HSF5: variants seen among roughly 807,000 people sequenced by gnomAD.
HSF5 encodes heat shock transcription factor 5.
Under a neutral mutation model 50.8 loss-of-function variants are expected in HSF5, and 5 were observed. The observed-to-expected ratio is 0.10, with a 90% confidence interval of 0.05 to 0.21. The LOEUF is 0.21. Ranked by LOEUF, HSF5 falls within the 10% of genes least tolerant of loss-of-function variation. The pLI is 1.00. For missense variants in HSF5, 564 were observed against 762.6 expected, an observed-to-expected ratio of 0.74 and a Z score of 3.07; for synonymous variants, 307 against 307.4, an observed-to-expected ratio of 1.00 and a Z score of 0.02.
At chr17:58,478,867 A>G (rs1975061188) in intron 2 of HSF5, among the ~76,000 whole-genome samples, 1 of 148,552 alleles carries the variant, frequency 6.7e-6, no homozygotes, top group Non-Finnish European at 1.5e-5. Context: ...CCATCTCCAA[A>G]AAAAAAAAAA....
rs904515691 is a variant in HSF5 at position 58,487,960 on chromosome 17, A to G, written c.315T>C (p.Asn105=). ...GGPGGGKPAG[N]GPLHHFHNPH... Reference sequence around the variant, plus strand: ...GGTTGTGGAAGTGATGGAGCGGCCCATTGCCTGCCGGTTTGCCGCCCCCCG... The same window carrying G: ...GGTTGTGGAAGTGATGGAGCGGCCCGTTGCCTGCCGGTTTGCCGCCCCCCG... Residue 105 remains asparagine (N), a synonymous_variant, in exon 1 of 6, where the codon AAT becomes AAC. Coordinates refer to ENST00000323777, the MANE Select transcript of HSF5 (RefSeq NM_001080439.3). The G allele has an allele frequency of 1.9e-6, 3 of 1,611,226 alleles. No homozygotes were observed. In the African/African-American group the frequency reaches 4.0e-5, roughly 22 times the overall value.
intron 2 of HSF5, among the ~76,000 whole-genome samples, chr17:58,474,611 T>C (rs1216773385): frequency 6.6e-6 from 1 of 152,216 alleles, no homozygotes; most frequent in African/African-American, 2.4e-5. Context: ...ATGTCCAAAT[T>C]TAACAATAAT....
intron 5 of HSF5, among the ~76,000 whole-genome samples, chr17:58,454,599 C>CA (rs1974684913): frequency 6.6e-6 from 1 of 151,938 alleles, no homozygotes; most frequent in African/African-American, 2.4e-5. Flanking sequence ...AAGATTCCAC[C>CA]AAAAAAATTG....
intron 5 of HSF5, among the ~76,000 whole-genome samples, chr17:58,430,961 C>A (rs532789839): frequency 1.4e-4 from 21 of 152,212 alleles, no homozygotes; most frequent in Non-Finnish European, 2.9e-5. Context: ...GTCCCCAACC[C>A]AAATCCCACC....
intron 1 of HSF5, among the ~76,000 whole-genome samples, chr17:58,482,034 G>C (rs1030602466): frequency 7.2e-5 from 11 of 152,176 alleles, no homozygotes; most frequent in African/African-American, 2.7e-4. Flanking sequence ...GAGTCCAGGA[G>C]TTCAAGGTTA....
At chr17:58,429,554 C>G (rs530570788) in intron 5 of HSF5, among the ~76,000 whole-genome samples, 6 of 151,800 alleles carry the variant, frequency 4.0e-5, no homozygotes, top group Admixed American at 3.3e-4. Flanking sequence ...AACTAAAAAA[C>G]TAAATGTTTG....
intron 5 of HSF5, among the ~76,000 whole-genome samples, chr17:58,439,118 C>A (rs1044051401): frequency 6.6e-6 from 1 of 150,872 alleles, no homozygotes; most frequent in Non-Finnish European, 1.5e-5. Context: ...CAGAGTGAGA[C>A]CCTGCCTCAA....
At chr17:58,469,388 T>G (rs183014262) in intron 2 of HSF5, among the ~76,000 whole-genome samples, 89 of 152,336 alleles carry the variant, frequency 5.8e-4, no homozygotes, top group Middle Eastern at 3.4e-3. Flanking sequence ...TTTGATAGCT[T>G]GATAGCTGAG....
At chr17:58,464,984 G>A (rs1299513559) in intron 3 of HSF5, among the ~76,000 whole-genome samples, 1 of 148,536 alleles carries the variant, frequency 6.7e-6, no homozygotes, top group Non-Finnish European at 1.5e-5. Context: ...TGCACAGGCT[G>A]GAATACAGTG....
At chr17:58,440,472 C>CTTATTTGAGGAAGATAATG (rs1183870659) in intron 5 of HSF5, among the ~76,000 whole-genome samples, 1 of 152,154 alleles carries the variant, frequency 6.6e-6, no homozygotes, top group Non-Finnish European at 1.5e-5. Flanking sequence ...AGAAACAAAT[C>CTTATTTGAGGAAGATAATG]TTATTTGAGG....
At chr17:58,481,564 A>T (rs182690870) in intron 1 of HSF5, among the ~76,000 whole-genome samples, 1 of 152,272 alleles carries the variant, frequency 6.6e-6, no homozygotes, top group Non-Finnish European at 1.5e-5. Context: ...AACGGAGGGA[A>T]AACTTATTAT....
At chr17:58,445,205 C>T (rs1974544005) in intron 5 of HSF5, among the ~76,000 whole-genome samples, 1 of 152,122 alleles carries the variant, frequency 6.6e-6, no homozygotes, top group Admixed American at 6.5e-5. Context: ...TACAGAGTTT[C>T]CTAAAAAAAT....
chr17:58,450,723 A>G (rs1314740748), intron 5 of HSF5, among the ~76,000 whole-genome samples: 3 of 149,496 alleles, frequency 2.0e-5, no homozygotes, highest in African/African-American at 7.4e-5. Context: ...ATTGTACTCT[A>G]GCCTGGGCAA....
At chr17:58,464,122 A>T (rs1255607613) in intron 3 of HSF5, among the ~76,000 whole-genome samples, 4 of 152,266 alleles carry the variant, frequency 2.6e-5, no homozygotes, top group African/African-American at 7.2e-5. Flanking sequence ...GTATGTAGTG[A>T]GTTGATGCTG....
rs1458726490 is a variant in HSF5, at chr17:58,476,603, C to T, written c.925+3290G>A. 7.4e-5 allele frequency: 114 copies of T among 1,530,836 alleles called. 1 individual carries two copies. The South Asian group carries it at 9.2e-4, about 12-fold the overall frequency. The allele number at this position is 1,530,836 out of a possible 1,614,324, so 94.8% of individuals were successfully genotyped here. A position where few individuals can be genotyped will look rare whatever the true frequency, so the allele number is the denominator to read the frequency against. On this transcript the variant is annotated intron_variant, in intron 2 of 5. Transcript: ENST00000323777. The stretch of plus-strand genomic sequence containing the variant: ...ATTCTGTAACCTGATTTAATATCTT[C>T]GAATTCTGTCACTTCAACTCTGGTC...
chr17:58,438,657 A>G (rs1372314645), intron 5 of HSF5, among the ~76,000 whole-genome samples: 1 of 152,104 alleles, frequency 6.6e-6, no homozygotes, highest in Non-Finnish European at 1.5e-5. Flanking sequence ...TGACACATTC[A>G]GCAAAGCCCT....
At position 58,441,624 on chromosome 17, in the gene HSF5, GCATATCC is replaced by G. The variant is rs1056549810; in HGVS notation, c.1720+17137_1720+17143del. Among the ~76,000 whole-genome samples the G allele has an allele frequency of 1.8e-4, 28 of 152,240 alleles. No homozygotes were observed. In the East Asian group the frequency reaches 4.4e-3, roughly 24 times the overall value. On this transcript the variant is annotated intron_variant, in intron 5 of 5. Transcript: ENST00000323777. ...AAAACTTGATCATTCCAAAAAAAAA[GCATATCC>G]CTGAGGACCACTTCAGATGAGTCCA...
At position 58,422,363 on chromosome 17, in the gene HSF5, C is replaced by T; in HGVS notation, c.1788G>A (p.Glu596=). Residue 596 remains glutamate (E), a synonymous_variant, in exon 6 of 6, where the codon GAG becomes GAA. Transcript: ENST00000323777. ...ERFPKEEELK[E] is the part of the protein sequence containing the mutation. ...TGTCACATTTGTCATCCATTCCTCA[C>T]TCTTTTAATTCTTCCTCCTTTGGAA... 1 of 1,612,652 alleles carries T rather than the reference C, an allele frequency of 6.2e-7. No individual in the cohort carries two copies. The highest frequency in any genetic ancestry group is 8.5e-7 in the Non-Finnish European group (1 of 1,178,716).
chr17:58,436,166 A>G (rs1247474060), intron 5 of HSF5, among the ~76,000 whole-genome samples: 1 of 152,130 alleles, frequency 6.6e-6, no homozygotes, highest in East Asian at 1.9e-4. Context: ...CATATGCTGT[A>G]CTGTTTTTAA....
Sources: allele counts gnomAD v4.1 joint callset (sites outside exome capture counted in the v4.1 genomes callset), GRCh38; gene constraint gnomAD v4.1.1; transcripts MANE v1.5; gene names NCBI Gene and HGNC (gene_info 2026-07-23, HGNC 2026-07-21).